LYST: variants seen among roughly 807,000 people sequenced by gnomAD.
The protein encoded by LYST is lysosomal-trafficking regulator.
Under a neutral mutation model 413.6 loss-of-function variants are expected in LYST, and 192 were observed. That is an observed-to-expected ratio of 0.46 (90% confidence interval 0.41 to 0.52). LYST has a LOEUF of 0.52. Among genes scored for constraint, LYST ranks in the 20% least tolerant of loss-of-function variants. The probability of loss-of-function intolerance (pLI) is 0.00; values close to 1 mark genes in which losing one functional copy is unlikely to be tolerated. For missense variants in LYST, 3,815 were observed against 4,499.9 expected (o/e 0.85, Z 4.35); for synonymous variants, 1,525 against 1,567.3 (o/e 0.97, Z 0.64).
At chr1:235,851,985 T>C (rs550895715) in intron 1 of LYST, among the ~76,000 whole-genome samples, 1 of 152,340 alleles carries the variant, frequency 6.6e-6, no homozygotes, top group South Asian at 2.1e-4. Flanking sequence ...TATGTTCAAC[T>C]TTCATTGAAT....
At position 235,780,883 on chromosome 1, in the gene LYST, C is replaced by A; in HGVS notation, c.5196G>T (p.Val1732=). ...IRELFMTKKD[V]DIGLLIESLS... ...AACTTACAATTAAGAGACCAATATC[C>A]ACATCTTTCTTGGTCATAAAAAGTT... The change falls in exon 16 of 53, where the codon GTG becomes GTT. Residue 1732 remains valine (V), a synonymous_variant. Transcript: ENST00000389793. 1 of 1,516,694 alleles carries A rather than the reference C, an allele frequency of 6.6e-7. No homozygotes were observed. Among genetic ancestry groups the A allele is most frequent in the East Asian group, 2.3e-5 (1 of 43,276 alleles). The allele number at this position is 1,516,694 out of a possible 1,614,324, so 94.0% of individuals were successfully genotyped here.
intron 16 of LYST, among the ~76,000 whole-genome samples, chr1:235,778,098 A>AAT (rs139907712): frequency 0.21 from 27,406 of 127,738 alleles, 3,387 homozygotes; most frequent in Non-Finnish European, 0.27. Flanking sequence ...AACCCAGTTA[A>AAT]ATATATATAT....
chr1:235,737,927 C>CGGGGG, intron 31 of LYST: 3 of 1,165,410 alleles, frequency 2.6e-6, no homozygotes, highest in Non-Finnish European at 2.1e-6. Context: ...GTCTGGATCT[C>CGGGGG]ACTGCCGCGT....
chr1:235,813,852 C>T (rs1273211578), intron 3 of LYST, among the ~76,000 whole-genome samples: 1 of 152,074 alleles, frequency 6.6e-6, no homozygotes, highest in Non-Finnish European at 1.5e-5. Flanking sequence ...AACGACAAAT[C>T]AAGTTTGAGT....
At chr1:235,799,289 AAAATTAGT>A (rs1671930901) in intron 10 of LYST, among the ~76,000 whole-genome samples, 1 of 152,196 alleles carries the variant, frequency 6.6e-6, no homozygotes, top group Non-Finnish European at 1.5e-5. Context: ...TCATAATACT[AAAATTAGT>A]GGATGAAAGA....
Position 235,759,550 on chromosome 1 carries a change from C to T in LYST, c.6303G>A (p.Leu2101=). Residue 2101 remains leucine, a synonymous_variant, in exon 23 of 53, where the codon CTG becomes CTA. Transcript: ENST00000389793. ...IIPQQMAAHM[L]RSRSLPAFPT... is the part of the protein sequence containing the mutation. ...GGAATGCTGGTAGGCTTCTAGAACG[C>T]AGCATATGGGCGGCCATCTGTTGTG... 19 of 1,613,764 alleles carry T rather than the reference C, an allele frequency of 1.2e-5. No individual in the cohort carries two copies. The highest frequency in any genetic ancestry group is 1.6e-5 in the Non-Finnish European group (19 of 1,179,786).
At chr1:235,796,254 T>C (rs1170570616) in intron 10 of LYST, among the ~76,000 whole-genome samples, 10 of 152,096 alleles carry the variant, frequency 6.6e-5, no homozygotes, top group South Asian at 4.1e-4. Flanking sequence ...CAATGAAAGA[T>C]AGAATAGACA....
chr1:235,831,766 C>A (rs998862881), intron 2 of LYST, among the ~76,000 whole-genome samples: 1 of 151,910 alleles, frequency 6.6e-6, no homozygotes, highest in Admixed American at 6.6e-5. Context: ...ACGGCAATAA[C>A]CTCTATTATA....
At chr1:235,749,109 C>T (rs1666209797) in intron 28 of LYST, among the ~76,000 whole-genome samples, 2 of 152,100 alleles carry the variant, frequency 1.3e-5, no homozygotes, top group South Asian at 2.1e-4. Context: ...AATAGAAATC[C>T]CTCTATGTCC....
chr1:235,732,205 T>C (rs982060751), intron 34 of LYST, among the ~76,000 whole-genome samples: 1 of 152,242 alleles, frequency 6.6e-6, no homozygotes, highest in Non-Finnish European at 1.5e-5. Flanking sequence ...AAGAGGTAGA[T>C]GCATTGTAAT....
intron 14 of LYST, among the ~76,000 whole-genome samples, chr1:235,785,565 G>A (rs1242816582): frequency 6.6e-6 from 1 of 152,180 alleles, no homozygotes; most frequent in Non-Finnish European, 1.5e-5. Flanking sequence ...GAGAGAATTA[G>A]ATGATGTATA....
intron 13 of LYST, 118 bp downstream of exon 13, chr1:235,788,583 A>T: frequency 1.1e-6 from 1 of 906,036 alleles, no homozygotes; most frequent in Non-Finnish European, 1.8e-6. Flanking sequence ...ATATATTTTT[A>T]AATGAGACTT....
At chr1:235,702,632 T>C (rs1661636095) in intron 45 of LYST, 115 bp downstream of exon 45, 3 of 869,660 alleles carry the variant, frequency 3.4e-6, no homozygotes, top group Non-Finnish European at 3.8e-6. Flanking sequence ...TGTCTTGCAC[T>C]GACTGGCACA....
chr1:235,693,280 G>T, intron 47 of LYST, 70 bp downstream of exon 47: 1 of 1,174,524 alleles, frequency 8.5e-7, no homozygotes, highest in Non-Finnish European at 1.2e-6. Context: ...GTGTCACTGC[G>T]CTCCAGCTTG....
At position 235,781,954 on chromosome 1, in the gene LYST, C is replaced by T. The variant is rs149991106; in HGVS notation, c.4996G>A (p.Asp1666Asn). Reference sequence around the variant, plus strand: ...TTGAAGAGAAGCAAATTTCCCAGGTCCCATTTTCCAGCCAACTGCAAAAAC... The same window carrying T: ...TTGAAGAGAAGCAAATTTCCCAGGTTCCATTTTCCAGCCAACTGCAAAAAC... ...EEFLQLAGKWDLGNLLLFNGA... is the reference protein window; with the variant it reads ...EEFLQLAGKWNLGNLLLFNGA... Residue 1666 changes from aspartate (D) to asparagine (N), a missense_variant, in exon 15 of 53, where the codon GAC (aspartate) becomes AAC (asparagine). Transcript: ENST00000389793. 19 of 1,613,420 alleles carry T rather than the reference C, an allele frequency of 1.2e-5. No homozygotes were observed. The African/African-American group carries it at 1.9e-4, about 16-fold the overall frequency.
intron 31 of LYST, among the ~76,000 whole-genome samples, chr1:235,739,844 G>A (rs1368114092): frequency 6.6e-5 from 10 of 152,014 alleles, no homozygotes; most frequent in Admixed American, 5.9e-4. Context: ...AACTGGCCTT[G>A]GTGACGAAAT....
intron 52 of LYST, among the ~76,000 whole-genome samples, 184 bp downstream of exon 52, chr1:235,663,800 T>C (rs1285349613): frequency 6.6e-6 from 1 of 152,210 alleles, no homozygotes; most frequent in African/African-American, 2.4e-5. Context: ...TTAAGCTCCA[T>C]GAAGACAAGG....
chr1:235,766,295 AC>A lies in LYST; in HGVS notation c.5923-19del. ...TTGTATTCCTGAAAAAATAAAAAAA[AC>A]TCTCTTTAGATTTAAAGAATTGTCA... On this transcript the variant is annotated intron_variant, in intron 20 of 52. Coordinates refer to ENST00000389793, the MANE Select transcript of LYST (RefSeq NM_000081.4). 6.4e-6 allele frequency: 10 copies of A among 1,568,758 alleles called. No homozygotes were observed. Among genetic ancestry groups the A allele is most frequent in the Non-Finnish European group, 8.7e-6 (10 of 1,151,196 alleles).
intron 1 of LYST, among the ~76,000 whole-genome samples, chr1:235,848,852 C>T (rs887976620): frequency 1.3e-5 from 2 of 151,286 alleles, no homozygotes; most frequent in Non-Finnish European, 3.0e-5. Context: ...CTGAACAGAC[C>T]CAGCGAGATT....
Sources: gnomAD v4.1 joint callset for allele counts (sites outside exome capture counted in the v4.1 genomes callset) on GRCh38, gnomAD v4.1.1 for gene constraint, MANE v1.5 for transcripts, NCBI Gene and HGNC (gene_info 2026-07-23, HGNC 2026-07-21) for gene names.